ASXL1: variants seen among roughly 807,000 people sequenced by gnomAD.
The protein encoded by ASXL1 is ASXL transcriptional regulator 1.
A neutral mutation model predicts 89.1 loss-of-function variants in ASXL1; 65 were observed. That is an observed-to-expected ratio of 0.73 (90% CI 0.60 to 0.90). ASXL1 has a LOEUF of 0.90. Ranked by LOEUF, ASXL1 falls within the 40% of genes least tolerant of loss-of-function variation. The probability of loss-of-function intolerance (pLI) is 0.00; values close to 1 mark genes in which losing one functional copy is unlikely to be tolerated. For missense variants in ASXL1, 1,786 were observed against 1,942.9 expected (o/e 0.92, Z 1.52); for synonymous variants, 739 against 746.9 (o/e 0.99, Z 0.17).
chr20:32,429,287 T>G lies in ASXL1; in HGVS notation c.472-51T>G. ...AGATAGTGTCGCCAGGGAATGCTTTTGTGGCTCTGCAGTTGACTTGGGCTC... is the reference window on the plus strand; with the variant it reads ...AGATAGTGTCGCCAGGGAATGCTTTGGTGGCTCTGCAGTTGACTTGGGCTC... On this transcript the variant is annotated intron_variant, in intron 6 of 12. Transcript: ENST00000375687. This position sits in a 1 kb window ranked among gnomAD's most constrained non-coding sequence, Gnocchi z 4.9. 1 of 1,566,918 alleles carries G rather than the reference T, an allele frequency of 6.4e-7. No individual in the cohort carries two copies. The highest frequency in any genetic ancestry group is 1.4e-5 in the African/African-American group (1 of 73,952).
chr20:32,367,771 A>C (rs760779224), intron 3 of ASXL1, 42 bp downstream of exon 3: 2 of 780,640 alleles, frequency 2.6e-6, no homozygotes, highest in Non-Finnish European at 4.8e-6. Context: ...GAGAACCTTA[A>C]CTTGTTTCTG....
chr20:32,380,017 C>G (rs1365300964), intron 4 of ASXL1, among the ~76,000 whole-genome samples: 1 of 152,000 alleles, frequency 6.6e-6, no homozygotes, highest in Non-Finnish European at 1.5e-5. Flanking sequence ...CATGGTGGCT[C>G]ACCCCTGTAA....
intron 4 of ASXL1, among the ~76,000 whole-genome samples, chr20:32,387,143 CAAAA>C (rs963484393): frequency 6.6e-6 from 1 of 151,544 alleles, no homozygotes; most frequent in African/African-American, 2.4e-5. Context: ...ACTAAAAAAA[CAAAA>C]AAACAAAAAT....
In ASXL1 at chr20:32,436,387, A is replaced by C. The variant is rs753682901; in HGVS notation, c.3675A>C (p.Lys1225Asn). The change falls in exon 13 of 13, where the codon AAA (lysine) becomes AAC (asparagine). Residue 1225 changes from lysine (K) to asparagine (N), a missense_variant. By Grantham distance (94) the Lys-to-Asn change is moderately conservative. Around this residue, in one of 3 missense-constraint regions of ASXL1, gnomAD observed 1,418 missense variants for 1,427.8 expected, o/e 0.99. Transcript: ENST00000375687. ...CAAATCCCATTACATCCTCTAGGAA[A>C]CTGGAAGAAATGGATTCCAAAGAGC... ...PVTNPITSSR[K>N]LEEMDSKEQF... is the part of the protein sequence containing the mutation. The C allele has an allele frequency of 6.2e-7, 1 of 1,613,806 alleles. No homozygotes were observed. Among genetic ancestry groups the C allele is most frequent in the Non-Finnish European group, 8.5e-7 (1 of 1,180,032 alleles).
chr20:32,401,154 C>T (rs1259500850), intron 4 of ASXL1, among the ~76,000 whole-genome samples: 1 of 152,172 alleles, frequency 6.6e-6, no homozygotes, highest in African/African-American at 2.4e-5. Context: ...AACTAAACCT[C>T]ATGCCTTATT....
At position 32,431,442 on chromosome 20, in the gene ASXL1, C is replaced by G. The variant is rs1334351668; in HGVS notation, c.840C>G (p.Phe280Leu). ...SRTFHALPSH[F>L]QQQLLFLLPE... ...CCTTCCATGCCTTACCATCACACTT[C>G]CAGCAGCAGCTCCTCTTCCTCCTGC... Residue 280 changes from phenylalanine to leucine, a missense_variant, in exon 9 of 13, where the codon TTC becomes TTG. Transcript: ENST00000375687. The G allele has an allele frequency of 6.2e-7, 1 of 1,614,222 alleles. No homozygotes were observed. Among genetic ancestry groups the G allele is most frequent in the Non-Finnish European group, 8.5e-7 (1 of 1,180,036 alleles).
chr20:32,358,853 G>A (rs1287013029), intron 1 of ASXL1, 21 bp downstream of exon 1: 2 of 1,499,834 alleles, frequency 1.3e-6, no homozygotes, highest in Non-Finnish European at 8.9e-7. Flanking sequence ...CAGCCGAGGG[G>A]GGCTCCGTGG....
chr20:32,431,116 G>GC, intron 8 of ASXL1: 1 of 716,728 alleles, frequency 1.4e-6, no homozygotes, highest in Non-Finnish European at 2.5e-6. Flanking sequence ...CTGAGGAGAT[G>GC]CAACCCCAAG....
intron 4 of ASXL1, among the ~76,000 whole-genome samples, chr20:32,381,371 A>G (rs979441134): frequency 6.6e-5 from 10 of 151,778 alleles, no homozygotes; most frequent in South Asian, 4.2e-4. Context: ...TGCCTGGCCA[A>G]TTTTTTTATT....
rs6058693 is a variant in ASXL1 at position 32,434,963 on chromosome 20, G to A, written c.2251G>A (p.Val751Ile). Residue 751 changes from valine (V) to isoleucine (I), a missense_variant, in exon 13 of 13, where the codon GTT becomes ATT. This residue lies in a region of ASXL1 where 1,418 missense variants were observed against 1,427.8 expected (regional missense o/e 0.99). Coordinates refer to ENST00000375687, the MANE Select transcript of ASXL1 (RefSeq NM_015338.6). Reference sequence around the variant, plus strand: ...GCTAGGAGATGCCTCCCAACTCCCCGTTGCTCCCACTGGGGACCAGCCATG... The same window carrying A: ...GCTAGGAGATGCCTCCCAACTCCCCATTGCTCCCACTGGGGACCAGCCATG... ...DGLGDASQLP[V>I]APTGDQPCQA... 6,121 of 1,614,054 alleles carry A rather than the reference G, an allele frequency of 3.8e-3. 201 individuals are homozygous for A. The African/African-American group carries it at 0.073, about 19-fold the overall frequency.
intron 2 of ASXL1, among the ~76,000 whole-genome samples, chr20:32,367,077 TAAAA>T (rs11478048): frequency 1.5e-5 from 2 of 134,872 alleles, no homozygotes; most frequent in Non-Finnish European, 3.2e-5. Flanking sequence ...ACTTCAAACT[TAAAA>T]AAAAAAAAAA....
intron 4 of ASXL1, among the ~76,000 whole-genome samples, chr20:32,383,790 A>G (rs1271863499): frequency 6.6e-6 from 1 of 152,204 alleles, no homozygotes; most frequent in African/African-American, 2.4e-5. Context: ...AAACGCTAGT[A>G]TCCCATGAAA....
At chr20:32,369,581 A>G (rs866703717) in intron 4 of ASXL1, among the ~76,000 whole-genome samples, 2 of 151,464 alleles carry the variant, frequency 1.3e-5, no homozygotes, top group African/African-American at 2.4e-5. Flanking sequence ...TGGCACTTTG[A>G]GGTGTTCTAA....
At position 32,438,701 on chromosome 20, in the gene ASXL1, A is replaced by T. The variant is rs1439524483; in HGVS notation, c.*1363A>T. The T allele has an allele frequency of 4.3e-6, 1 of 233,576 alleles. No individual in the cohort carries two copies. The highest frequency in any genetic ancestry group is 8.5e-6 in the Non-Finnish European group (1 of 118,032). The allele number at this position is 233,576 out of a possible 1,614,324, so 14.5% of individuals were successfully genotyped here. On this transcript the variant is annotated 3_prime_UTR_variant, in exon 13 of 13. Transcript: ENST00000375687. Reference sequence around the variant, plus strand: ...TGGGTGAGTTCCCTGGGCAGCCCCCAGGAAGGCCTTCCAGATCTGGCTCCA... The same window carrying T: ...TGGGTGAGTTCCCTGGGCAGCCCCCTGGAAGGCCTTCCAGATCTGGCTCCA...
intron 1 of ASXL1, among the ~76,000 whole-genome samples, chr20:32,362,443 T>C (rs2048131508): frequency 1.3e-5 from 2 of 152,154 alleles, no homozygotes; most frequent in African/African-American, 4.8e-5. Flanking sequence ...GAGACCATCC[T>C]GGCTAACACG....
chr20:32,395,732 T>C (rs971452942), intron 4 of ASXL1, among the ~76,000 whole-genome samples: 1 of 152,204 alleles, frequency 6.6e-6, no homozygotes, highest in Non-Finnish European at 1.5e-5. Flanking sequence ...ATTTCACTAG[T>C]CTTTATCTTT....
chr20:32,396,719 CAGT>C (rs1390089802), intron 4 of ASXL1, among the ~76,000 whole-genome samples: 95 of 152,212 alleles, frequency 6.2e-4, no homozygotes, highest in African/African-American at 2.0e-3. Context: ...GTGCCTACAG[CAGT>C]AGGATTCACT....
chr20:32,410,987 G>C (rs1192744303), intron 4 of ASXL1, among the ~76,000 whole-genome samples: 1 of 138,804 alleles, frequency 7.2e-6, no homozygotes, highest in Non-Finnish European at 1.5e-5. Flanking sequence ...AGCTGAGATC[G>C]TGCCACTGCA....
intron 4 of ASXL1, among the ~76,000 whole-genome samples, chr20:32,386,737 G>A (rs1237193591): frequency 1.3e-5 from 2 of 150,298 alleles, no homozygotes; most frequent in African/African-American, 2.4e-5. Context: ...TTCTGAAATC[G>A]AAATCAAATG....
Sources: gnomAD v4.1 joint callset for allele counts (sites outside exome capture counted in the v4.1 genomes callset) on GRCh38, gnomAD v4.1.1 for gene constraint, gnomAD v4.1.1 regional missense constraint, Gnocchi (gnomAD v3.1) non-coding constraint, MANE v1.5 for transcripts, NCBI Gene and HGNC (gene_info 2026-07-23, HGNC 2026-07-21) for gene names.